Variants in EML1 observed in about 807,000 individuals in gnomAD.
EML1 encodes EMAP like 1.
EML1 carries 27 observed loss-of-function variants against 110.4 expected under a neutral mutation model. The ratio of observed to expected loss-of-function variants is 0.24; its 90% CI spans 0.18 to 0.34. The LOEUF is 0.34. Among genes scored for constraint, EML1 ranks in the 10% least tolerant of loss-of-function variants. The pLI, the probability that EML1 is intolerant of heterozygous loss-of-function variation, is 1.00. For missense variants in EML1, 741 were observed against 1,030.9 expected (o/e 0.72, Z 3.85); for synonymous variants, 344 against 385.8 (o/e 0.89, Z 1.27).
At chr14:99,865,433 C>T in intron 2 of EML1, 81 bp from the exon 3 acceptor site, 1 of 1,548,622 alleles carries the variant, frequency 6.5e-7, no homozygotes. Flanking sequence ...ATCTTCCTAA[C>T]AGGCAGTTGA....
At chr14:99,925,565 T>A (rs1000740662) in intron 17 of EML1, among the ~76,000 whole-genome samples, 2 of 152,200 alleles carry the variant, frequency 1.3e-5, no homozygotes, top group Non-Finnish European at 2.9e-5. Flanking sequence ...TTTTGCTTCA[T>A]GTAGTTTGAA....
At position 99,910,310 on chromosome 14, in the gene EML1, T is replaced by C. The variant is rs767073852; in HGVS notation, c.1308T>C (p.Asp436=). ...AAAACGGTGACACCATTACTGGAGATTCAAGTGGCAACATCTTAGTATGGG... is the reference window on the plus strand; with the variant it reads ...AAAACGGTGACACCATTACTGGAGACTCAAGTGGCAACATCTTAGTATGGG... ...FSENGDTITG[D]SSGNILVWGK... Residue 436 remains aspartate, a synonymous_variant, in exon 12 of 22, where the codon GAT becomes GAC. Coordinates refer to ENST00000262233, the MANE Select transcript of EML1 (RefSeq NM_004434.3). 6.2e-7 allele frequency: 1 copy of C among 1,613,368 alleles called. No individual in the cohort carries two copies. The highest frequency in any genetic ancestry group is 1.1e-5 in the South Asian group (1 of 90,886).
chr14:99,931,603 C>T (rs1462121350), intron 17 of EML1, among the ~76,000 whole-genome samples: 1 of 152,134 alleles, frequency 6.6e-6, no homozygotes, highest in Non-Finnish European at 1.5e-5. Flanking sequence ...TTAGGAATCT[C>T]AGTCTCCGAG....
At chr14:99,740,083 CTT>C (rs2057024982) in intron 1 of EML1, among the ~76,000 whole-genome samples, 2 of 152,164 alleles carry the variant, frequency 1.3e-5, no homozygotes, top group Admixed American at 1.3e-4. Flanking sequence ...GGTTATAGCT[CTT>C]ATTATTTCAC....
At chr14:99,820,733 C>T (rs2058247442) in intron 1 of EML1, among the ~76,000 whole-genome samples, 2 of 152,096 alleles carry the variant, frequency 1.3e-5, no homozygotes, top group African/African-American at 2.4e-5. Flanking sequence ...TTTAGTTCAC[C>T]TCCATTAACA....
In EML1 at chr14:99,827,112, G is replaced by T. The variant is rs1262733087; in HGVS notation, c.68-23741G>T. Among the ~76,000 whole-genome samples, 1 of 152,198 alleles carries T rather than the reference G, an allele frequency of 6.6e-6. No homozygotes were observed. Among genetic ancestry groups the T allele is most frequent in the Non-Finnish European group, 1.5e-5 (1 of 68,044 alleles). On this transcript the variant is annotated intron_variant, in intron 1 of 21. Transcript: ENST00000262233. The surrounding 1 kb of genome is among the most constrained non-coding windows in gnomAD (Gnocchi z 4.4). Reference sequence around the variant, plus strand: ...TGGGGGGTATTTACATGTAGAGGGGGATGACCACCTGAAGACATGGGGAGA... The same window carrying T: ...TGGGGGGTATTTACATGTAGAGGGGTATGACCACCTGAAGACATGGGGAGA...
intron 5 of EML1, 94 bp from the exon 6 acceptor site, chr14:99,894,535 T>C (rs2059640690): frequency 7.5e-7 from 1 of 1,340,274 alleles, no homozygotes; most frequent in South Asian, 2.2e-5. Context: ...TAAAAGTTTC[T>C]CTTTTATACT....
intron 3 of EML1, among the ~76,000 whole-genome samples, chr14:99,877,247 C>T (rs1247508107): frequency 1.3e-5 from 2 of 152,046 alleles, no homozygotes; most frequent in Non-Finnish European, 2.9e-5. Context: ...TAATTCCACT[C>T]ATGAGGGCTT....
chr14:99,754,928 A>G (rs1595241236), intron 1 of EML1, among the ~76,000 whole-genome samples: 1 of 152,100 alleles, frequency 6.6e-6, no homozygotes, highest in African/African-American at 2.4e-5. Context: ...TCCATGCAGC[A>G]TTACAGGAGG....
intron 1 of EML1, among the ~76,000 whole-genome samples, chr14:99,756,438 C>T (rs553060841): frequency 1.1e-4 from 16 of 152,336 alleles, no homozygotes; most frequent in Non-Finnish European, 1.9e-4. Context: ...GCAAAGGCCG[C>T]GGGAGGCCTC....
chr14:99,879,432 G>A (rs528077963), intron 4 of EML1, among the ~76,000 whole-genome samples: 5 of 152,158 alleles, frequency 3.3e-5, no homozygotes, highest in Non-Finnish European at 5.9e-5. Flanking sequence ...CAGAGGCTAA[G>A]CATGTGTTTT....
chr14:99,801,594 CA>C (rs1292124835), intron 1 of EML1, among the ~76,000 whole-genome samples: 10 of 150,568 alleles, frequency 6.6e-5, no homozygotes, highest in African/African-American at 2.4e-4. Context: ...CAGCCTGGGC[CA>C]CAGAGCGAGA....
intron 1 of EML1, among the ~76,000 whole-genome samples, chr14:99,846,006 C>T (rs1276359575): frequency 2.0e-5 from 3 of 146,500 alleles, no homozygotes; most frequent in East Asian, 4.2e-4. Context: ...GCTGAGATCA[C>T]GCCACTGCAC....
chr14:99,797,972 T>C (rs995713372), intron 1 of EML1, among the ~76,000 whole-genome samples: 3 of 152,168 alleles, frequency 2.0e-5, no homozygotes, highest in African/African-American at 7.2e-5. Flanking sequence ...CTGGAAAGGC[T>C]GTTCAAAGCT....
intron 1 of EML1, among the ~76,000 whole-genome samples, chr14:99,850,592 GA>G (rs1420392224): frequency 1.3e-5 from 2 of 152,098 alleles, no homozygotes; most frequent in Admixed American, 6.5e-5. Context: ...CCTCCATGTA[GA>G]AAAGTATAAT....
intron 1 of EML1, among the ~76,000 whole-genome samples, chr14:99,786,061 C>CA (rs56240053): frequency 0.014 from 1,706 of 120,238 alleles, 23 homozygotes; most frequent in African/African-American, 0.038. Context: ...CCTGGCTGCT[C>CA]AAAAAAAAAA....
At chr14:99,932,577 G>C (rs923224238) in intron 17 of EML1, among the ~76,000 whole-genome samples, 3 of 150,672 alleles carry the variant, frequency 2.0e-5, no homozygotes, top group African/African-American at 7.4e-5. Context: ...AGGCAGAGGG[G>C]CAGATGTTGC....
chr14:99,769,122 C>A (rs1460754837), upstream of EML1, among the ~76,000 whole-genome samples: 1 of 152,128 alleles, frequency 6.6e-6, no homozygotes, highest in Non-Finnish European at 1.5e-5. Flanking sequence ...AACTACAGAC[C>A]CCTCTACCTA....
At chr14:99,908,738 A>G (rs1005539276) in intron 10 of EML1, among the ~76,000 whole-genome samples, 1 of 152,192 alleles carries the variant, frequency 6.6e-6, no homozygotes, top group African/African-American at 2.4e-5. Context: ...GATCTACTCC[A>G]TGGGACCCCA....
Sources: allele counts gnomAD v4.1 joint callset (sites outside exome capture counted in the v4.1 genomes callset), GRCh38; gene constraint gnomAD v4.1.1; non-coding constraint Gnocchi (gnomAD v3.1); transcripts MANE v1.5; gene names NCBI Gene and HGNC (gene_info 2026-07-23, HGNC 2026-07-21).